The following CACNA2D4 variants were observed in gnomAD, a reference collection of about 807,000 sequenced individuals.
The protein encoded by CACNA2D4 is voltage-dependent calcium channel subunit alpha-2/delta-4.
CACNA2D4 carries 157 observed loss-of-function variants against 163.8 expected under a neutral mutation model. The observed-to-expected ratio is 0.96, with a 90% CI of 0.84 to 1.09. The LOEUF is 1.09. CACNA2D4 is among the 50% of genes least tolerant of loss of function. The pLI, the probability that CACNA2D4 is intolerant of heterozygous loss-of-function variation, is 0.00. For synonymous variants in CACNA2D4, 598 were observed against 586.9 expected, an observed-to-expected ratio of 1.02 and a Z score of -0.27; for missense variants, 1,410 against 1,479.9, an observed-to-expected ratio of 0.95 and a Z score of 0.78.
chr12:1,884,183 G>C (rs1259674576), intron 12 of CACNA2D4, 60 bp downstream of exon 12: 18 of 1,503,684 alleles, frequency 1.2e-5, no homozygotes, highest in Non-Finnish European at 1.5e-5. Context: ...CCAGGGCTGG[G>C]TAACCCTGTC....
chr12:1,840,749 G>A lies in CACNA2D4; in HGVS notation c.2541C>T (p.Ala847=), dbSNP rs540468160. The A allele has an allele frequency of 6.2e-7, 1 of 1,613,730 alleles. No homozygotes were observed. Among genetic ancestry groups the A allele is most frequent in the African/African-American group, 1.3e-5 (1 of 75,054 alleles). The change falls in exon 26 of 38, where the codon GCC becomes GCT. Residue 847 remains alanine (A), a synonymous_variant. Coordinates refer to ENST00000382722, the MANE Select transcript of CACNA2D4 (RefSeq NM_172364.5). ...AAGGGCCGTTCCTACCTGCAGCAATGGCTGTCCTCTTGTCCACGGTCACCG... is the reference window on the plus strand; with the variant it reads ...AAGGGCCGTTCCTACCTGCAGCAATAGCTGTCCTCTTGTCCACGGTCACCG... ...AVAVTVDKRT[A]IAAAAGVQMK... is the part of the protein sequence containing the mutation.
chr12:1,900,486 G>A (rs569557712), intron 6 of CACNA2D4, among the ~76,000 whole-genome samples: 2 of 152,270 alleles, frequency 1.3e-5, no homozygotes, highest in South Asian at 4.1e-4. Context: ...GCATCAGTGG[G>A]ATCTCTTATT....
intron 20 of CACNA2D4, among the ~76,000 whole-genome samples, chr12:1,857,384 T>C (rs1200587584): frequency 6.6e-6 from 1 of 151,900 alleles, no homozygotes; most frequent in Non-Finnish European, 1.5e-5. Flanking sequence ...CCATCAGCAG[T>C]GATGTGGGCA....
In CACNA2D4 at chr12:1,792,561, C is replaced by T. The variant is rs1863005701; in HGVS notation, c.*1094G>A. 6.6e-6 allele frequency: 1 copy of T among 151,950 alleles called. No homozygotes were observed. The highest frequency in any genetic ancestry group is 1.5e-5 in the Non-Finnish European group (1 of 68,112). 9.4% of individuals were successfully genotyped at this position (151,950 alleles called of 1,614,324 possible). ...TCCCACATTTCTCCATGGCTTTGCC[C>T]TTAATGTTGCTCTCACTGTGGAGAC... is the stretch of plus-strand genomic sequence containing the variant. On this transcript the variant is annotated 3_prime_UTR_variant, in exon 38 of 38. Coordinates refer to ENST00000382722, the MANE Select transcript of CACNA2D4 (RefSeq NM_172364.5).
intron 1 of CACNA2D4, among the ~76,000 whole-genome samples, chr12:1,916,716 G>A (rs1866991799): frequency 6.6e-6 from 1 of 152,208 alleles, no homozygotes; most frequent in Non-Finnish European, 1.5e-5. Flanking sequence ...GGGTGACAAG[G>A]CCAGGAATGT....
chr12:1,827,111 G>A (rs1443911563), intron 26 of CACNA2D4, among the ~76,000 whole-genome samples: 8 of 152,182 alleles, frequency 5.3e-5, no homozygotes, highest in Non-Finnish European at 8.8e-5. Flanking sequence ...AGAGGGGTGC[G>A]GGCATCCTCC....
At chr12:1,912,098 TAC>T (rs1408468611) in intron 3 of CACNA2D4, among the ~76,000 whole-genome samples, 2 of 151,992 alleles carry the variant, frequency 1.3e-5, no homozygotes, top group Non-Finnish European at 2.9e-5. Context: ...GGGGTGGGGG[TAC>T]ACTGACAGTA....
intron 18 of CACNA2D4, among the ~76,000 whole-genome samples, chr12:1,860,946 A>C (rs534359137): frequency 6.6e-6 from 1 of 152,156 alleles, no homozygotes; most frequent in Non-Finnish European, 1.5e-5. Flanking sequence ...AAGTTACTTC[A>C]CTTCGAGTTC....
In CACNA2D4 at chr12:1,844,435, A is replaced by C; in HGVS notation, c.2437T>G (p.Phe813Val). ...TCTGCCCAGCGGAGGTTGAAGACGA[A>C]GCTGCCAGCAGGATGCTCTGAGGCC... ...RQASEHPAGSFVFNLRWAEGP... is the reference protein window; with the variant it reads ...RQASEHPAGSVVFNLRWAEGP... The change falls in exon 25 of 38, where the codon TTC (phenylalanine) becomes GTC (valine). Residue 813 changes from phenylalanine to valine, a missense_variant. Transcript: ENST00000382722. The surrounding 1 kb of genome is among the most constrained non-coding windows in gnomAD (Gnocchi z 4.2). 6.2e-7 allele frequency: 1 copy of C among 1,613,658 alleles called. No homozygotes were observed. The highest frequency in any genetic ancestry group is 2.2e-5 in the East Asian group (1 of 44,876).
chr12:1,813,425 A>G (rs1194132963), intron 26 of CACNA2D4, among the ~76,000 whole-genome samples: 1 of 152,222 alleles, frequency 6.6e-6, no homozygotes, highest in East Asian at 1.9e-4. Context: ...AAGATGGCCT[A>G]CATCTGTGCT....
rs1464915161 is a variant in CACNA2D4 at position 1,806,341 on chromosome 12, AGCCCTGG to A, written c.2721+3930_2721+3936del. Among the ~76,000 whole-genome samples, 8 of 152,198 alleles carry A rather than the reference AGCCCTGG, an allele frequency of 5.3e-5. No homozygotes were observed. The highest frequency in any genetic ancestry group is 1.9e-4 in the African/African-American group (8 of 41,444). ...GTCATCCATAACTCTTATAAGAATG[AGCCCTGG>A]CCTGGAAGAGAGGCCAAATGTCTAA... On this transcript the variant is annotated intron_variant, in intron 29 of 37. Coordinates refer to ENST00000382722, the MANE Select transcript of CACNA2D4 (RefSeq NM_172364.5). This position sits in a 1 kb window ranked among gnomAD's most constrained non-coding sequence, Gnocchi z 4.1.
At position 1,918,282 on chromosome 12, in the gene CACNA2D4, G is replaced by A. The variant is rs1250199105; in HGVS notation, c.192C>T (p.Ser64=). 1.2e-6 allele frequency: 2 copies of A among 1,610,008 alleles called. No homozygotes were observed. Among genetic ancestry groups the A allele is most frequent in the African/African-American group, 1.3e-5 (1 of 74,872 alleles). The change falls in exon 1 of 38, where the codon TCC becomes TCT. Residue 64 remains serine, a synonymous_variant. Transcript: ENST00000382722. The stretch of plus-strand genomic sequence containing the variant: ...GAATCTTGGCCTGTCCCCACGCAGG[G>A]GACAGGGAGGTGCCTAGAAGCAGCA... The part of the protein sequence containing the change: ...LWLLLLGTSL[S]PAWGQAKIPL...
chr12:1,877,094 C>A (rs1865899130), intron 16 of CACNA2D4, among the ~76,000 whole-genome samples: 1 of 152,116 alleles, frequency 6.6e-6, no homozygotes, highest in South Asian at 2.1e-4. Context: ...TGGTATTATT[C>A]CCTAATTGTT....
In CACNA2D4 at chr12:1,801,629, C is replaced by G. The variant is rs1238544229; in HGVS notation, c.2737G>C (p.Gly913Arg). Residue 913 changes from glycine to arginine, a missense_variant, in exon 30 of 38, where the codon GGG becomes CGG. By Grantham distance (125) the Gly-to-Arg change is moderately radical (BLOSUM62 -2). Coordinates refer to ENST00000382722, the MANE Select transcript of CACNA2D4 (RefSeq NM_172364.5). ...KRSRETGRFLGEVDGAVLTQL... is the reference protein window; with the variant it reads ...KRSRETGRFLREVDGAVLTQL... ...GTCAGGACAGCACCATCCACCTCCC[C>G]CAGAAATCTTCCCGTCTGTGAGAGA... is the stretch of plus-strand genomic sequence containing the variant. 3 of 1,586,796 alleles carry G rather than the reference C, an allele frequency of 1.9e-6. No individual in the cohort carries two copies. The Admixed American group carries it at 5.3e-5, about 28-fold the overall frequency.
chr12:1,903,606 G>A (rs1407867769), intron 6 of CACNA2D4, among the ~76,000 whole-genome samples: 1 of 151,776 alleles, frequency 6.6e-6, no homozygotes, highest in Admixed American at 6.6e-5. Context: ...TGGCAAACAG[G>A]TATATAAAAA....
At chr12:1,800,490 G>GT in intron 31 of CACNA2D4, 52 bp from the exon 32 acceptor site, 1 of 1,382,214 alleles carries the variant, frequency 7.2e-7, no homozygotes, top group Non-Finnish European at 9.9e-7. Flanking sequence ...GGGTGAGGGT[G>GT]CCCCCCCCCC....
At position 1,799,644 on chromosome 12, in the gene CACNA2D4, C is replaced by G; in HGVS notation, c.2995+31G>C. Reference sequence around the variant, plus strand: ...TCCTGCTGCGTCCCCAACCCACCGCCAGCAGGGATGGCCTCAGCTGGGCTA... The same window carrying G: ...TCCTGCTGCGTCCCCAACCCACCGCGAGCAGGGATGGCCTCAGCTGGGCTA... On this transcript the variant is annotated intron_variant, in intron 34 of 37. Coordinates refer to ENST00000382722, the MANE Select transcript of CACNA2D4 (RefSeq NM_172364.5). The surrounding 1 kb of genome is among the most constrained non-coding windows in gnomAD (Gnocchi z 4.7). The G allele has an allele frequency of 6.4e-7, 1 of 1,561,392 alleles. No homozygotes were observed. The highest frequency in any genetic ancestry group is 8.7e-7 in the Non-Finnish European group (1 of 1,152,938).
rs202193340 is a variant in CACNA2D4 at position 1,834,506 on chromosome 12, C to A, written c.2551+6233G>T. On this transcript the variant is annotated intron_variant, in intron 26 of 37. Coordinates refer to ENST00000382722, the MANE Select transcript of CACNA2D4 (RefSeq NM_172364.5). The surrounding 1 kb of genome is among the most constrained non-coding windows in gnomAD (Gnocchi z 7.6). ...AGCCTGCCCACAGAAGCAGAGGCAC[C>A]GGCCGGCGAGCGTGAGGCGAGCCAT... 2 of 1,607,320 alleles carry A rather than the reference C, an allele frequency of 1.2e-6. No homozygotes were observed.
At chr12:1,800,568 A>G in intron 31 of CACNA2D4, 130 bp from the exon 32 acceptor site, 1 of 840,706 alleles carries the variant, frequency 1.2e-6, no homozygotes, top group South Asian at 1.6e-5. Flanking sequence ...GGGGCAGCAG[A>G]GCACAGGCCA....
Sources: allele counts gnomAD v4.1 joint callset (sites outside exome capture counted in the v4.1 genomes callset), GRCh38; gene constraint gnomAD v4.1.1; non-coding constraint Gnocchi (gnomAD v3.1); transcripts MANE v1.5; gene names NCBI Gene and HGNC (gene_info 2026-07-23, HGNC 2026-07-21).